Variants in NAA11 observed in about 807,000 individuals in gnomAD.
The protein encoded by NAA11 is N-alpha-acetyltransferase 11.
In NAA11, 15 loss-of-function variants were observed where a neutral mutation model predicts 16.1. The ratio of observed to expected loss-of-function variants is 0.93; its 90% CI spans 0.62 to 1.44. The LOEUF (loss-of-function observed/expected upper bound fraction) is 1.44. Among genes scored for constraint, NAA11 ranks in the 40% most tolerant of loss-of-function variants. NAA11 has a pLI of 0.00. For synonymous variants in NAA11, 122 were observed against 112.4 expected (o/e 1.09, Z -0.54); for missense variants, 298 against 291.3 (o/e 1.02, Z -0.17).
intron 2 of NAA11, among the ~76,000 whole-genome samples, chr4:79,235,241 C>T (rs569257011): frequency 2.0e-5 from 3 of 152,036 alleles, no homozygotes; most frequent in Non-Finnish European, 4.4e-5. Context: ...GTTGAGAGCA[C>T]CCACAGGATT....
the NAA11 span, among the ~76,000 whole-genome samples, chr4:79,167,132 T>TATATATATATATATATATA: frequency 1.2e-4 from 2 of 17,282 alleles, no homozygotes; most frequent in Non-Finnish European, 2.7e-4. Flanking sequence ...ACAGCTTATT[T>TATATATATATATATATATA]TATATATATA....
chr4:79,218,945 A>G, the NAA11 span, among the ~76,000 whole-genome samples: 1 of 152,094 alleles, frequency 6.6e-6, no homozygotes, highest in African/African-American at 2.4e-5. Flanking sequence ...GTTCACTTTT[A>G]TTACACCTTT....
intron 2 of NAA11, among the ~76,000 whole-genome samples, chr4:79,228,606 T>C (rs1721379611): frequency 6.6e-6 from 1 of 152,000 alleles, no homozygotes; most frequent in Admixed American, 6.6e-5. Flanking sequence ...TTCAGGGTAA[T>C]GCATTAAGAT....
At chr4:79,206,253 T>C in the NAA11 span, among the ~76,000 whole-genome samples, 1 of 152,122 alleles carries the variant, frequency 6.6e-6, no homozygotes, top group Non-Finnish European at 1.5e-5. Context: ...TGGGATATTT[T>C]TCCATTTGTT....
chr4:79,167,872 A>G, the NAA11 span, among the ~76,000 whole-genome samples: 1 of 151,768 alleles, frequency 6.6e-6, no homozygotes, highest in African/African-American at 2.4e-5. Context: ...TTTAAATTTT[A>G]TTTATTTATT....
chr4:79,223,832 G>A (rs1721248152), downstream of NAA11, among the ~76,000 whole-genome samples: 1 of 151,252 alleles, frequency 6.6e-6, no homozygotes, highest in Admixed American at 6.6e-5. Context: ...TTTGGGGTTT[G>A]CTCCTTTATC....
chr4:79,171,673 A>G, the NAA11 span, among the ~76,000 whole-genome samples: 1 of 152,176 alleles, frequency 6.6e-6, no homozygotes, highest in African/African-American at 2.4e-5. Context: ...ATTATTGTAT[A>G]AGGTAACATA....
chr4:79,210,718 G>A, the NAA11 span, among the ~76,000 whole-genome samples: 2 of 152,096 alleles, frequency 1.3e-5, no homozygotes, highest in African/African-American at 4.8e-5. Flanking sequence ...GGCAGCGTAA[G>A]ATGGTGTTTA....
At chr4:79,297,562 C>G (rs754632069) in intron 1 of NAA11, among the ~76,000 whole-genome samples, 5 of 152,218 alleles carry the variant, frequency 3.3e-5, no homozygotes, top group African/African-American at 1.2e-4. Context: ...ATTCCTGGTG[C>G]CTGCTCCAAT....
intron 2 of NAA11, among the ~76,000 whole-genome samples, chr4:79,243,222 A>G (rs527474595): frequency 7.2e-5 from 11 of 152,226 alleles, no homozygotes; most frequent in African/African-American, 2.4e-4. Flanking sequence ...ACTGACTTTC[A>G]TAACATGTTC....
chr4:79,286,304 A>G (rs1392956225), intron 2 of NAA11, among the ~76,000 whole-genome samples: 1 of 152,102 alleles, frequency 6.6e-6, no homozygotes. Context: ...TAAGCAGTCT[A>G]AAATAGAAAG....
the NAA11 span, among the ~76,000 whole-genome samples, chr4:79,209,022 T>A: frequency 6.0e-5 from 9 of 150,952 alleles, no homozygotes; most frequent in African/African-American, 1.9e-4. Flanking sequence ...CTAATAATAA[T>A]GTATTTTATA....
the NAA11 span, among the ~76,000 whole-genome samples, chr4:79,196,352 G>A: frequency 2.0e-5 from 3 of 151,904 alleles, no homozygotes; most frequent in Non-Finnish European, 4.4e-5. Context: ...ACACTGCTAG[G>A]CTTTCTCCTG....
chr4:79,172,674 A>T, the NAA11 span, among the ~76,000 whole-genome samples: 2 of 151,986 alleles, frequency 1.3e-5, no homozygotes, highest in African/African-American at 2.4e-5. Flanking sequence ...TACCTGGGGT[A>T]GCTTTTTCAA....
the NAA11 span, among the ~76,000 whole-genome samples, chr4:79,198,810 A>G: frequency 1.3e-5 from 2 of 151,928 alleles, no homozygotes; most frequent in African/African-American, 2.4e-5. Context: ...ACCTCTCACT[A>G]TCATATCTGA....
chr4:79,303,080 A>ATC (rs1723450684), intron 1 of NAA11, among the ~76,000 whole-genome samples: 2 of 15,590 alleles, frequency 1.3e-4, no homozygotes, highest in Non-Finnish European at 2.8e-4. Flanking sequence ...GGCCTTTTAT[A>ATC]TATATATATA....
chr4:79,325,132 G>T (rs949049154), intron 1 of NAA11, 44 bp downstream of exon 1: 5 of 1,481,314 alleles, frequency 3.4e-6, no homozygotes, highest in Non-Finnish European at 3.6e-6. Flanking sequence ...GCAGGATGCA[G>T]GGATTTAGGA....
the NAA11 span, among the ~76,000 whole-genome samples, chr4:79,169,750 C>T: frequency 4.8e-3 from 732 of 152,206 alleles, 3 homozygotes; most frequent in Non-Finnish European, 7.7e-3. Context: ...TTTAAACAAC[C>T]AGATCTCATT....
At chr4:79,194,560 A>G in the NAA11 span, among the ~76,000 whole-genome samples, 1 of 152,002 alleles carries the variant, frequency 6.6e-6, no homozygotes, top group Admixed American at 6.6e-5. Context: ...GCAAAAGAGT[A>G]AAGAGAAATG....
Sources: allele counts gnomAD v4.1 joint callset (sites outside exome capture counted in the v4.1 genomes callset), GRCh38; gene constraint gnomAD v4.1.1; transcripts MANE v1.5; gene names NCBI Gene and HGNC (gene_info 2026-07-23, HGNC 2026-07-21).